Variants in BCR observed in about 807,000 individuals in gnomAD.
BCR encodes the protein breakpoint cluster region protein.
A neutral mutation model predicts 138.6 loss-of-function variants in BCR; 58 were observed. The observed-to-expected ratio is 0.42, with a 90% CI of 0.34 to 0.52. The LOEUF (loss-of-function observed/expected upper bound fraction) is 0.52. Among genes scored for constraint, BCR ranks in the 20% least tolerant of loss-of-function variants. The probability of loss-of-function intolerance (pLI) is 0.06; values close to 1 mark genes in which losing one functional copy is unlikely to be tolerated. For synonymous variants in BCR, 786 were observed against 730.1 expected (o/e 1.08, Z -1.23); for missense variants, 1,599 against 1,727.2 (o/e 0.93, Z 1.32).
Position 23,198,783 on chromosome 22 carries a change from C to T in BCR, c.1279+16544C>T, listed in dbSNP as rs148782708. Among the ~76,000 whole-genome samples, 116 of 152,246 alleles carry T rather than the reference C, an allele frequency of 7.6e-4. 1 individual carries two copies. In the East Asian group the frequency reaches 0.02, roughly 26 times the overall value. On this transcript the variant is annotated intron_variant, in intron 1 of 22. Coordinates refer to ENST00000305877, the MANE Select transcript of BCR (RefSeq NM_004327.4). ...TTGTCGTGGAGCAGTTGCATGGGCC[C>T]GCCCTTGTTCCCTGGAGCAGCTGGT... is the stretch of plus-strand genomic sequence containing the variant.
intron 1 of BCR, among the ~76,000 whole-genome samples, chr22:23,248,455 G>C (rs1257032713): frequency 1.3e-5 from 2 of 151,482 alleles, no homozygotes; most frequent in African/African-American, 2.4e-5. Flanking sequence ...TTTTGAACCA[G>C]TGTAGTCTAG....
chr22:23,304,276 G>A (rs946121829), intron 16 of BCR, among the ~76,000 whole-genome samples: 3 of 151,808 alleles, frequency 2.0e-5, no homozygotes, highest in South Asian at 2.1e-4. Context: ...GACCCAAGCC[G>A]ATCTGCTTTT....
chr22:23,242,015 G>T (rs573041818), intron 1 of BCR, among the ~76,000 whole-genome samples: 4 of 152,168 alleles, frequency 2.6e-5, no homozygotes, highest in Admixed American at 2.6e-4. Flanking sequence ...GCCCCCCTTA[G>T]CTCTTAGTGG....
chr22:23,295,091 A>G lies in BCR; in HGVS notation c.2948A>G (p.Lys983Arg). 6.2e-7 allele frequency: 1 copy of G among 1,614,172 alleles called. No individual in the cohort carries two copies. The highest frequency in any genetic ancestry group is 1.3e-5 in the African/African-American group (1 of 75,046). ...CTGTGCTATGAAAAGTGTTACAACA[A>G]GACGAAGATCCCCAAGGAGGACGGC... is the stretch of plus-strand genomic sequence containing the variant. ...RILCYEKCYN[K>R]TKIPKEDGES... Residue 983 changes from lysine to arginine, a missense_variant, in exon 16 of 23, where the codon AAG (lysine) becomes AGG (arginine). This residue lies in a region of BCR where 590 missense variants were observed against 762.4 expected (regional missense o/e 0.77). Transcript: ENST00000305877.
Position 23,185,533 on chromosome 22 carries a change from C to T in BCR, c.1279+3294C>T, listed in dbSNP as rs542908949. Among the ~76,000 whole-genome samples the T allele has an allele frequency of 2.1e-3, 315 of 151,628 alleles. 2 individuals carry two copies. Among genetic ancestry groups the T allele is most frequent in the African/African-American group, 7.3e-3 (303 of 41,416 alleles). ...ACAAAAAATTAGCCGGGTGTGGTGG[C>T]CGGCGCCTGTAGTCCCAGCTACTCG... is the stretch of plus-strand genomic sequence containing the variant. On this transcript the variant is annotated intron_variant, in intron 1 of 22. Coordinates refer to ENST00000305877, the MANE Select transcript of BCR (RefSeq NM_004327.4).
intron 4 of BCR, among the ~76,000 whole-genome samples, chr22:23,267,690 T>A (rs2073459571): frequency 6.6e-6 from 1 of 152,202 alleles, no homozygotes; most frequent in African/African-American, 2.4e-5. Flanking sequence ...AAAGGTGTTG[T>A]GGGGCCCAGA....
intron 1 of BCR, among the ~76,000 whole-genome samples, chr22:23,236,900 G>A (rs1447280151): frequency 6.6e-6 from 1 of 152,212 alleles, no homozygotes; most frequent in Non-Finnish European, 1.5e-5. Context: ...TGCCAGCCCT[G>A]TGCTGGCTCT....
chr22:23,194,280 C>A (rs560633046), intron 1 of BCR, among the ~76,000 whole-genome samples: 1 of 152,296 alleles, frequency 6.6e-6, no homozygotes, highest in East Asian at 1.9e-4. Context: ...TGGATTGTTA[C>A]CTGAAACCTA....
intron 1 of BCR, chr22:23,250,961 C>G (rs115060712): frequency 1.3e-5 from 2 of 152,184 alleles, no homozygotes; most frequent in Non-Finnish European, 2.9e-5. Context: ...CTTCCCCCAC[C>G]CAAAGGCCAA....
rs966820971 is a variant in BCR at position 23,315,933 on chromosome 22, A to G, written c.*411A>G. 249 of 394,588 alleles carry G rather than the reference A, an allele frequency of 6.3e-4. No individual in the cohort carries two copies. The highest frequency in any genetic ancestry group is 8.9e-4 in the Non-Finnish European group (186 of 208,734). 24.4% of individuals were successfully genotyped at this position (394,588 alleles called of 1,614,324 possible). On this transcript the variant is annotated 3_prime_UTR_variant, in exon 23 of 23. Coordinates refer to ENST00000305877, the MANE Select transcript of BCR (RefSeq NM_004327.4). ...GGATTCCCTCACTGTTGTATCTTGA[A>G]TAAACGCTGCTGCTTCATCCTGTGG...
chr22:23,315,426 C>T lies in BCR; in HGVS notation c.3727-7C>T, dbSNP rs12485051. ...CCACTCTTCTCTTCCCTACTCTGCC[C>T]GGGCAGGTCCAGGTGCTGCTGTACT... On this transcript the variant is annotated splice_region_variant and splice_polypyrimidine_tract_variant and intron_variant, in intron 22 of 22. Transcript: ENST00000305877. The T allele has an allele frequency of 6.2e-3, 10,072 of 1,613,522 alleles. 584 individuals carry two copies. The Admixed American group carries it at 0.13, about 20-fold the overall frequency.
At chr22:23,257,797 C>G (rs2073311085) in intron 2 of BCR, among the ~76,000 whole-genome samples, 1 of 152,216 alleles carries the variant, frequency 6.6e-6, no homozygotes, top group Non-Finnish European at 1.5e-5. Context: ...ACTGACAGCC[C>G]TGGGTTCCTT....
At chr22:23,191,178 C>T (rs76985900) in intron 1 of BCR, among the ~76,000 whole-genome samples, 4,692 of 152,290 alleles carry the variant, frequency 0.031, 252 homozygotes, top group African/African-American at 0.11. Flanking sequence ...CGATCCTTCC[C>T]GCCTCGGCCT....
At chr22:23,249,812 C>T (rs930829701) in intron 1 of BCR, among the ~76,000 whole-genome samples, 4 of 152,194 alleles carry the variant, frequency 2.6e-5, no homozygotes, top group Non-Finnish European at 4.4e-5. Context: ...TGAGCTGAGG[C>T]AGGGGCTGAA....
intron 1 of BCR, chr22:23,199,350 C>G (rs372913357): frequency 1.9e-6 from 1 of 516,046 alleles, no homozygotes; most frequent in African/African-American, 1.9e-5. Flanking sequence ...TTCCCCGGCC[C>G]TTGTGAGCCC....
At chr22:23,233,797 A>G (rs1004560845) in intron 1 of BCR, among the ~76,000 whole-genome samples, 8 of 94,160 alleles carry the variant, frequency 8.5e-5, no homozygotes, top group African/African-American at 2.0e-4. Flanking sequence ...CTCAAAAAAA[A>G]AAAAAAGAAA....
intron 2 of BCR, among the ~76,000 whole-genome samples, chr22:23,255,156 T>C (rs962104469): frequency 6.6e-6 from 1 of 152,248 alleles, no homozygotes; most frequent in Non-Finnish European, 1.5e-5. Flanking sequence ...ACATGTTAGC[T>C]GCACGCCTGG....
chr22:23,276,518 C>T (rs1391216495), intron 8 of BCR, among the ~76,000 whole-genome samples: 2 of 152,170 alleles, frequency 1.3e-5, no homozygotes, highest in Non-Finnish European at 2.9e-5. Context: ...GAGGGGTCAC[C>T]TGGGTGCCTT....
At chr22:23,201,232 C>T (rs1298926265) in intron 1 of BCR, among the ~76,000 whole-genome samples, 1 of 152,198 alleles carries the variant, frequency 6.6e-6, no homozygotes, top group African/African-American at 2.4e-5. Flanking sequence ...CTTGGGGTCT[C>T]CTCAGGCTGC....
Sources: allele counts gnomAD v4.1 joint callset (sites outside exome capture counted in the v4.1 genomes callset), GRCh38; gene constraint gnomAD v4.1.1; regional missense constraint gnomAD v4.1.1; transcripts MANE v1.5; gene names NCBI Gene and HGNC (gene_info 2026-07-23, HGNC 2026-07-21).